Variants in RBFOX1 observed in about 807,000 individuals in gnomAD.
RBFOX1 encodes RNA binding protein fox-1 homolog 1.
A neutral mutation model predicts 57.7 loss-of-function variants in RBFOX1; 8 were observed. The ratio of observed to expected loss-of-function variants is 0.14; its 90% CI spans 0.08 to 0.25. RBFOX1 has a LOEUF of 0.25. RBFOX1 is among the 10% of genes least tolerant of loss of function. RBFOX1 has a pLI of 1.00. For missense variants in RBFOX1, 611 were observed against 548.5 expected (o/e 1.11, Z -1.14); for synonymous variants, 326 against 222.4 (o/e 1.47, Z -4.15).
At chr16:7,496,644 T>C (rs1448793396) in intron 4 of RBFOX1, among the ~76,000 whole-genome samples, 1 of 151,810 alleles carries the variant, frequency 6.6e-6, no homozygotes, top group Non-Finnish European at 1.5e-5. Context: ...AAGGCCTCAG[T>C]TTACTTGAAT....
chr16:7,256,175 G>C (rs966623898), intron 4 of RBFOX1, among the ~76,000 whole-genome samples: 1 of 152,162 alleles, frequency 6.6e-6, no homozygotes, highest in African/African-American at 2.4e-5. Flanking sequence ...ATTTTCAGTC[G>C]AGGCGAGAAG....
chr16:7,347,299 C>T (rs551669387), intron 4 of RBFOX1, among the ~76,000 whole-genome samples: 7 of 152,246 alleles, frequency 4.6e-5, no homozygotes, highest in African/African-American at 1.7e-4. Context: ...TTCCAGGTGG[C>T]TGGGGAGCCC....
intron 2 of RBFOX1, among the ~76,000 whole-genome samples, chr16:6,450,801 G>GTGTGTA (rs2094585388): frequency 2.4e-4 from 4 of 16,462 alleles, no homozygotes; most frequent in African/African-American, 9.2e-4. Flanking sequence ...ATATATATAT[G>GTGTGTA]TATATATATA....
chr16:5,345,278 A>C (rs1461436607), intron 1 of RBFOX1, among the ~76,000 whole-genome samples: 1 of 152,116 alleles, frequency 6.6e-6, no homozygotes, highest in Non-Finnish European at 1.5e-5. Context: ...GTCATGTCCA[A>C]GTCAGGCCAA....
At chr16:5,623,528 C>T (rs1270236612) in intron 3 of RBFOX1, among the ~76,000 whole-genome samples, 1 of 152,146 alleles carries the variant, frequency 6.6e-6, no homozygotes. Context: ...TTACCTACAC[C>T]CTACATGGTA....
intron 4 of RBFOX1, among the ~76,000 whole-genome samples, chr16:5,939,644 T>C (rs566554806): frequency 6.6e-6 from 1 of 152,288 alleles, no homozygotes; most frequent in East Asian, 1.9e-4. Context: ...ATATTCTATT[T>C]ATTAGAGAGT....
intron 4 of RBFOX1, among the ~76,000 whole-genome samples, chr16:7,393,780 C>T (rs990410216): frequency 3.3e-5 from 5 of 152,220 alleles, no homozygotes; most frequent in African/African-American, 4.8e-5. Context: ...TACCCCTTAC[C>T]TCCACCTTTA....
At chr16:7,096,472 C>T (rs554439567) in intron 4 of RBFOX1, among the ~76,000 whole-genome samples, 40 of 152,192 alleles carry the variant, frequency 2.6e-4, no homozygotes, top group African/African-American at 8.9e-4. Flanking sequence ...GGTGGGTGGA[C>T]CACACTCATC....
chr16:5,825,717 A>G (rs534746527), intron 3 of RBFOX1, among the ~76,000 whole-genome samples: 1 of 151,598 alleles, frequency 6.6e-6, no homozygotes, highest in African/African-American at 2.4e-5. Flanking sequence ...TTAAGCAATC[A>G]CTCCCTGTTT....
intron 3 of RBFOX1, among the ~76,000 whole-genome samples, chr16:6,748,261 C>G (rs571105424): frequency 4.6e-5 from 7 of 152,016 alleles, no homozygotes; most frequent in Admixed American, 4.6e-4. Flanking sequence ...GCCTTCTTTT[C>G]TCTTTCTCTC....
intron 2 of RBFOX1, among the ~76,000 whole-genome samples, chr16:6,366,104 T>C (rs1233220357): frequency 2.0e-5 from 3 of 151,980 alleles, no homozygotes; most frequent in Admixed American, 1.3e-4. Context: ...TGTGTGTGTG[T>C]GTGTGTGTGT....
At chr16:7,601,596 G>A (rs994528166) in intron 9 of RBFOX1, among the ~76,000 whole-genome samples, 3 of 152,012 alleles carry the variant, frequency 2.0e-5, no homozygotes. Context: ...CTGAAGTAAA[G>A]CAAAATATTT....
At chr16:6,313,383 G>C (rs2080625781) in intron 1 of RBFOX1, among the ~76,000 whole-genome samples, 1 of 152,212 alleles carries the variant, frequency 6.6e-6, no homozygotes, top group Non-Finnish European at 1.5e-5. Context: ...AGGGGTGCAA[G>C]CCTGGAGGCA....
At chr16:6,510,514 A>T (rs1181612421) in intron 2 of RBFOX1, among the ~76,000 whole-genome samples, 1 of 152,204 alleles carries the variant, frequency 6.6e-6, no homozygotes, top group Non-Finnish European at 1.5e-5. Flanking sequence ...ATGACAACAC[A>T]TTATTATCAT....
chr16:6,207,132 G>T (rs558558877), intron 1 of RBFOX1, among the ~76,000 whole-genome samples: 1 of 152,234 alleles, frequency 6.6e-6, no homozygotes, highest in African/African-American at 2.4e-5. Flanking sequence ...CCTGACTTGG[G>T]TCACCCATGA....
intron 11 of RBFOX1, among the ~76,000 whole-genome samples, chr16:7,636,398 C>T (rs1277910767): frequency 6.6e-6 from 1 of 152,180 alleles, no homozygotes; most frequent in Non-Finnish European, 1.5e-5. Flanking sequence ...CAGTATACAT[C>T]TTCCTGTTTG....
At chr16:7,561,286 A>G (rs1244556237) in intron 5 of RBFOX1, among the ~76,000 whole-genome samples, 1 of 152,232 alleles carries the variant, frequency 6.6e-6, no homozygotes, top group Non-Finnish European at 1.5e-5. Context: ...GCTTTTATGT[A>G]CAGCATGGCT....
At chr16:5,703,975 C>G (rs781719334) in intron 3 of RBFOX1, among the ~76,000 whole-genome samples, 3 of 152,140 alleles carry the variant, frequency 2.0e-5, no homozygotes, top group Non-Finnish European at 4.4e-5. Context: ...GTTAAGCCCC[C>G]TCAAATCGTT....
intron 4 of RBFOX1, among the ~76,000 whole-genome samples, chr16:7,153,785 C>A (rs1302369761): frequency 6.6e-6 from 1 of 151,070 alleles, no homozygotes; most frequent in Non-Finnish European, 1.5e-5. Context: ...TATTGTTCTG[C>A]TTGTTTTCAG....
Sources: allele counts gnomAD v4.1 joint callset (sites outside exome capture counted in the v4.1 genomes callset), GRCh38; gene constraint gnomAD v4.1.1; transcripts MANE v1.5; gene names NCBI Gene and HGNC (gene_info 2026-07-23, HGNC 2026-07-21).